The following CHRNA4 variants were observed in gnomAD, a reference collection of about 807,000 sequenced individuals.
The protein encoded by CHRNA4 is cholinergic receptor nicotinic alpha 4 subunit.
CHRNA4 carries 28 observed loss-of-function variants against 48.9 expected under a neutral mutation model. That is an observed-to-expected ratio of 0.57 (90% confidence interval 0.42 to 0.79). The LOEUF is 0.79. Ranked by LOEUF, CHRNA4 falls within the 30% of genes least tolerant of loss-of-function variation. The probability of loss-of-function intolerance (pLI) is 0.00; values close to 1 mark genes in which losing one functional copy is unlikely to be tolerated. For missense variants in CHRNA4, 859 were observed against 898.4 expected (o/e 0.96, Z 0.56); for synonymous variants, 425 against 402.3 (o/e 1.06, Z -0.68).
chr20:63,346,648 C>T lies in CHRNA4; in HGVS notation c.*90G>A, dbSNP rs906842741. The T allele has an allele frequency of 1.3e-5, 20 of 1,527,620 alleles. No homozygotes were observed. The highest frequency in any genetic ancestry group is 2.0e-5 in the Admixed American group (1 of 51,132). 94.6% of individuals were successfully genotyped at this position (1,527,620 alleles called of 1,614,324 possible). On this transcript the variant is annotated 3_prime_UTR_variant, in exon 6 of 6. Coordinates refer to ENST00000370263, the MANE Select transcript of CHRNA4 (RefSeq NM_000744.7). ...GGCAAACGTGTGGCCCCACAGAGTC[C>T]AGGGAGAAGCCAGCCCGGCCCCAGG...
At position 63,345,061 on chromosome 20, in the gene CHRNA4, C is replaced by A. The variant is rs766093161; in HGVS notation, c.*1677G>T. 1.8e-5 allele frequency: 8 copies of A among 453,812 alleles called. No homozygotes were observed. Among genetic ancestry groups the A allele is most frequent in the African/African-American group, 4.0e-5 (2 of 49,988 alleles). The allele number at this position is 453,812 out of a possible 1,614,324, so 28.1% of individuals were successfully genotyped here. A position where few individuals can be genotyped will look rare whatever the true frequency, so the allele number is the denominator to read the frequency against. ...CAGAGGCAGGTGTGGGCAATGTGGG[C>A]CTGAGTCTCCTCCCCACTCACGTCA... On this transcript the variant is annotated 3_prime_UTR_variant, in exon 6 of 6. Coordinates refer to ENST00000370263, the MANE Select transcript of CHRNA4 (RefSeq NM_000744.7). This position sits in a 1 kb window ranked among gnomAD's most constrained non-coding sequence, Gnocchi z 5.4.
rs1334649443 is a variant in CHRNA4 at position 63,343,569 on chromosome 20, C to T, written c.*3169G>A. Reference sequence around the variant, plus strand: ...TACAAGGGAGCCTGAGTGACAACTCCGGAGGCCAGCCATTGAGAGATTACC... The same window carrying T: ...TACAAGGGAGCCTGAGTGACAACTCTGGAGGCCAGCCATTGAGAGATTACC... On this transcript the variant is annotated 3_prime_UTR_variant, in exon 6 of 6. Coordinates refer to ENST00000370263, the MANE Select transcript of CHRNA4 (RefSeq NM_000744.7). 7 of 451,846 alleles carry T rather than the reference C, an allele frequency of 1.5e-5. No homozygotes were observed. Among genetic ancestry groups the T allele is most frequent in the Non-Finnish European group, 3.1e-5 (7 of 225,954 alleles). 28.0% of individuals were successfully genotyped at this position (451,846 alleles called of 1,614,324 possible).
Position 63,361,315 on chromosome 20 carries a change from G to A in CHRNA4, c.-150C>T, listed in dbSNP as rs1198498804. 1 of 1,215,122 alleles carries A rather than the reference G, an allele frequency of 8.2e-7. No individual in the cohort carries two copies. Among genetic ancestry groups the A allele is most frequent in the Non-Finnish European group, 1.0e-6 (1 of 978,340 alleles). 75.3% of individuals were successfully genotyped at this position (1,215,122 alleles called of 1,614,324 possible). A position where few individuals can be genotyped will look rare whatever the true frequency, so the allele number is the denominator to read the frequency against. ...CGTCTTCTCCTGTGGGGCGCGGTGC[G>A]GCGGCGGCGCGGCAGGGAGCGCCGG... is the stretch of plus-strand genomic sequence containing the variant. On this transcript the variant is annotated 5_prime_UTR_variant, in exon 1 of 6. Coordinates refer to ENST00000370263, the MANE Select transcript of CHRNA4 (RefSeq NM_000744.7).
Position 63,361,303 on chromosome 20 carries a change from G to A in CHRNA4, c.-138C>T, listed in dbSNP as rs1248351566. ...CCGGGCCCGGTTCGTCTTCTCCTGT[G>A]GGGCGCGGTGCGGCGGCGGCGCGGC... On this transcript the variant is annotated 5_prime_UTR_variant, in exon 1 of 6. Coordinates refer to ENST00000370263, the MANE Select transcript of CHRNA4 (RefSeq NM_000744.7). The A allele has an allele frequency of 7.9e-7, 1 of 1,267,468 alleles. No homozygotes were observed. Among genetic ancestry groups the A allele is most frequent in the Non-Finnish European group, 9.9e-7 (1 of 1,008,246 alleles). The allele number at this position is 1,267,468 out of a possible 1,614,324, so 78.5% of individuals were successfully genotyped here.
rs369313655 is a variant in CHRNA4, at chr20:63,346,933, G to A, written c.1759-70C>T. The A allele has an allele frequency of 4.3e-5, 69 of 1,603,390 alleles. 1 individual carries two copies. The highest frequency in any genetic ancestry group is 2.0e-4 in the East Asian group (9 of 44,808). ...CAGCGGGGACAGCCCTCAGGACCCC[G>A]GCGCCGCCGGCAACAGCTTCTCCAC... On this transcript the variant is annotated intron_variant, in intron 5 of 5. Transcript: ENST00000370263.
rs976466336 is a variant in CHRNA4, at chr20:63,343,511, G to C, written c.*3227C>G. On this transcript the variant is annotated 3_prime_UTR_variant, in exon 6 of 6. Transcript: ENST00000370263. ...AACCCAGCAGTCCCACAGCAGCTGC[G>C]TGCCCTAGAGTGTCCTGGGCCCGGC... The C allele has an allele frequency of 8.8e-6, 4 of 454,158 alleles. No homozygotes were observed. The highest frequency in any genetic ancestry group is 7.0e-5 in the Admixed American group (3 of 42,578). 28.1% of individuals were successfully genotyped at this position (454,158 alleles called of 1,614,324 possible).
At chr20:63,355,030 C>CG (rs1311843565) in intron 4 of CHRNA4, among the ~76,000 whole-genome samples, 1 of 152,134 alleles carries the variant, frequency 6.6e-6, no homozygotes, top group Non-Finnish European at 1.5e-5. Context: ...GTAGGTCAGG[C>CG]GGGTGCCCTG....
chr20:63,360,099 GTC>G, intron 1 of CHRNA4: 2 of 287,694 alleles, frequency 7.0e-6, no homozygotes, highest in Non-Finnish European at 1.4e-5. Flanking sequence ...ACTGCTTTGG[GTC>G]TCCTGTCACA....
In CHRNA4 at chr20:63,350,499, T is replaced by C. The variant is rs1041716120; in HGVS notation, c.912A>G (p.Pro304=). 1.9e-6 allele frequency: 3 copies of C among 1,610,876 alleles called. No individual in the cohort carries two copies. In the African/African-American group the frequency reaches 4.1e-5, roughly 22 times the overall value. The change falls in exon 5 of 6, where the codon CCA becomes CCG. Residue 304 remains proline, a synonymous_variant. Coordinates refer to ENST00000370263, the MANE Select transcript of CHRNA4 (RefSeq NM_000744.7). The part of the protein sequence containing the change: ...EIIPSTSLVI[P]LIGEYLLFTM... Reference sequence around the variant, plus strand: ...TGAACAGCAGGTACTCGCCGATGAGTGGGATGACCAGTGAGGTGGACGGGA... The same window carrying C: ...TGAACAGCAGGTACTCGCCGATGAGCGGGATGACCAGTGAGGTGGACGGGA...
At chr20:63,354,099 C>T (rs1395554502) in intron 4 of CHRNA4, among the ~76,000 whole-genome samples, 3 of 103,964 alleles carry the variant, frequency 2.9e-5, no homozygotes, top group African/African-American at 3.9e-5. Flanking sequence ...GCAGGAGGCA[C>T]TGTAGCCCTA....
chr20:63,350,964 C>T lies in CHRNA4; in HGVS notation c.447G>A (p.Val149=). 1 of 1,613,770 alleles carries T rather than the reference C, an allele frequency of 6.2e-7. No homozygotes were observed. Among genetic ancestry groups the T allele is most frequent in the Non-Finnish European group, 8.5e-7 (1 of 1,180,010 alleles). Residue 149 remains valine, a synonymous_variant, in exon 5 of 6, where the codon GTG becomes GTA. Coordinates refer to ENST00000370263, the MANE Select transcript of CHRNA4 (RefSeq NM_000744.7). ...TKAHLFHDGR[V]QWTPPAIYKS... ...TGTAAATGGCCGGGGGAGTCCACTG[C>T]ACCCGCCCGTCATGGAACAGGTGGG...
Position 63,344,044 on chromosome 20 carries a change from C to T in CHRNA4, c.*2694G>A, listed in dbSNP as rs559194411. On this transcript the variant is annotated 3_prime_UTR_variant, in exon 6 of 6. Coordinates refer to ENST00000370263, the MANE Select transcript of CHRNA4 (RefSeq NM_000744.7). This position sits in a 1 kb window ranked among gnomAD's most constrained non-coding sequence, Gnocchi z 4.5. ...CACCTCCATTCCTAATCACCGACAG[C>T]TGCAAGCAAAGTCCACTAACAGGTG... The T allele has an allele frequency of 2.2e-6, 1 of 454,140 alleles. No homozygotes were observed. The highest frequency in any genetic ancestry group is 2.3e-5 in the Admixed American group (1 of 42,580). 28.1% of individuals were successfully genotyped at this position (454,140 alleles called of 1,614,324 possible).
chr20:63,344,482 T>A lies in CHRNA4; in HGVS notation c.*2256A>T, dbSNP rs1051423829. The A allele has an allele frequency of 8.9e-6, 4 of 447,848 alleles. No individual in the cohort carries two copies. Among genetic ancestry groups the A allele is most frequent in the African/African-American group, 8.3e-5 (4 of 48,132 alleles). 27.7% of individuals were successfully genotyped at this position (447,848 alleles called of 1,614,324 possible). On this transcript the variant is annotated 3_prime_UTR_variant, in exon 6 of 6. Transcript: ENST00000370263. The surrounding 1 kb of genome is among the most constrained non-coding windows in gnomAD (Gnocchi z 4.5). Reference sequence around the variant, plus strand: ...GAATATGGTGCTTTATTTGGATTTTTTTTTTGAGCCTCAAAAAAAAAAAGA... The same window carrying A: ...GAATATGGTGCTTTATTTGGATTTTATTTTTGAGCCTCAAAAAAAAAAAGA...
In CHRNA4 at chr20:63,350,323, A is replaced by G. The variant is rs1373203012; in HGVS notation, c.1088T>C (p.Val363Ala). 3 of 1,613,226 alleles carry G rather than the reference A, an allele frequency of 1.9e-6. No homozygotes were observed. The African/African-American group carries it at 4.0e-5, about 22-fold the overall frequency. Reference protein sequence around the residue: ...PRLLLMKRPSVVKDNCRRLIE... With the variant: ...PRLLLMKRPSAVKDNCRRLIE... Reference sequence around the variant, plus strand: ...GAGCCGCCGGCAATTGTCCTTGACCACGGACGGCCGCTTCATGAGGAGCAG... The same window carrying G: ...GAGCCGCCGGCAATTGTCCTTGACCGCGGACGGCCGCTTCATGAGGAGCAG... The change falls in exon 5 of 6, where the codon GTG becomes GCG. Residue 363 changes from valine (V) to alanine (A), a missense_variant. By Grantham distance (64) the Val-to-Ala change is moderately conservative. Coordinates refer to ENST00000370263, the MANE Select transcript of CHRNA4 (RefSeq NM_000744.7).
Position 63,361,120 on chromosome 20 carries a change from G to T in CHRNA4, c.46C>A (p.Leu16Met). Residue 16 changes from leucine (L) to methionine (M), a missense_variant, in exon 1 of 6, where the codon CTG becomes ATG. Coordinates refer to ENST00000370263, the MANE Select transcript of CHRNA4 (RefSeq NM_000744.7). ...PGAPRLLPPLLLLLGTGLLRA... is the reference protein window; with the variant it reads ...PGAPRLLPPLMLLLGTGLLRA... ...AGGAGGCCGGTCCCCAGAAGCAGCA[G>T]CAGCGGCGGCAGCAGCCGCGGCGCT... 1 of 1,479,160 alleles carries T rather than the reference G, an allele frequency of 6.8e-7. No homozygotes were observed. Among genetic ancestry groups the T allele is most frequent in the Non-Finnish European group, 8.9e-7 (1 of 1,120,934 alleles). 91.6% of individuals were successfully genotyped at this position (1,479,160 alleles called of 1,614,324 possible). A position where few individuals can be genotyped will look rare whatever the true frequency, so the allele number is the denominator to read the frequency against.
At chr20:63,357,103 A>G (rs1568817633) in intron 2 of CHRNA4, among the ~76,000 whole-genome samples, 1 of 144,042 alleles carries the variant, frequency 6.9e-6, no homozygotes, top group Non-Finnish European at 1.5e-5. Flanking sequence ...TCCCCACAGG[A>G]CCACATTCCC....
In CHRNA4 at chr20:63,356,041, T is replaced by C; in HGVS notation, c.317A>G (p.Glu106Gly). ...YKLRWDPADY[E>G]NVTSIRIPSE... ...GGGGATGCGGATGGAGGTGACATTC[T>C]CATAGTCAGCTGGGTCCCAGCGCAG... Residue 106 changes from glutamate to glycine, a missense_variant, in exon 4 of 6, where the codon GAG (glutamate) becomes GGG (glycine). Transcript: ENST00000370263. 1 of 1,605,456 alleles carries C rather than the reference T, an allele frequency of 6.2e-7. No individual in the cohort carries two copies. The highest frequency in any genetic ancestry group is 1.1e-5 in the South Asian group (1 of 90,680).
intron 4 of CHRNA4, among the ~76,000 whole-genome samples, chr20:63,353,337 G>A (rs912772677): frequency 3.9e-5 from 6 of 152,130 alleles, no homozygotes; most frequent in African/African-American, 1.4e-4. Flanking sequence ...GACAATCCCA[G>A]CCCCAAAGAG....
At position 63,346,666 on chromosome 20, in the gene CHRNA4, G is replaced by T; in HGVS notation, c.*72C>A. On this transcript the variant is annotated 3_prime_UTR_variant, in exon 6 of 6. Coordinates refer to ENST00000370263, the MANE Select transcript of CHRNA4 (RefSeq NM_000744.7). ...CAGAGTCCAGGGAGAAGCCAGCCCG[G>T]CCCCAGGCCGGCCGCATGGATGCTG... 1 of 1,546,926 alleles carries T rather than the reference G, an allele frequency of 6.5e-7. No homozygotes were observed. The highest frequency in any genetic ancestry group is 8.7e-7 in the Non-Finnish European group (1 of 1,152,228).
Sources: allele counts gnomAD v4.1 joint callset (sites outside exome capture counted in the v4.1 genomes callset), GRCh38; gene constraint gnomAD v4.1.1; non-coding constraint Gnocchi (gnomAD v3.1); transcripts MANE v1.5; gene names NCBI Gene and HGNC (gene_info 2026-07-23, HGNC 2026-07-21).